The following NREP variants were observed in gnomAD, a reference collection of about 807,000 sequenced individuals.
The protein encoded by NREP is neuronal regeneration-related protein.
A neutral mutation model predicts 8.6 loss-of-function variants in NREP; 5 were observed. The ratio of observed to expected loss-of-function variants is 0.58; its 90% CI spans 0.30 to 1.22. NREP has a LOEUF of 1.22. Ranked by LOEUF, NREP falls within the 50% of genes most tolerant of loss-of-function variation. NREP has a pLI of 0.07. For missense variants in NREP, 86 were observed against 82.5 expected (o/e 1.04, Z -0.17); for synonymous variants, 27 against 28.0 (o/e 0.96, Z 0.11).
At chr5:111,872,098 GATTT>G (rs1209488516) in intron 2 of NREP, among the ~76,000 whole-genome samples, 1 of 151,634 alleles carries the variant, frequency 6.6e-6, no homozygotes, top group Non-Finnish European at 1.5e-5. Context: ...GACAGAGAGA[GATTT>G]ATTATAAATT....
chr5:111,817,671 G>T (rs890365129), intron 2 of NREP, among the ~76,000 whole-genome samples: 1 of 151,308 alleles, frequency 6.6e-6, no homozygotes, highest in Non-Finnish European at 1.5e-5. Context: ...CGGGCGTAGT[G>T]GCGGGCGCCT....
intron 2 of NREP, among the ~76,000 whole-genome samples, chr5:111,944,614 C>T (rs1305811416): frequency 6.6e-6 from 1 of 152,098 alleles, no homozygotes; most frequent in Non-Finnish European, 1.5e-5. Context: ...GCCTTCTTCT[C>T]TTTCCAATTT....
chr5:111,731,000 T>C lies in NREP; in HGVS notation c.128A>G (p.Glu43Gly), dbSNP rs11559. ...PKEVNRKKND[E>G]TNAASLTPLG... ...TGGAGTCAGGGAGGCAGCGTTTGTC[T>C]CATCGTTCTTCTTGCGGTTCACTTC... The change falls in exon 4 of 4, where the codon GAG becomes GGG. Residue 43 changes from glutamate to glycine, a missense_variant. Physicochemically the swap from Glu to Gly is moderately conservative, Grantham distance 98 (BLOSUM62 -2). Transcript: ENST00000257435. 89,423 of 1,613,774 alleles carry C rather than the reference T, an allele frequency of 0.055. 3,108 individuals are homozygous for C. Among genetic ancestry groups the C allele is most frequent in the East Asian group, 0.2 (9,159 of 44,866 alleles).
rs533558123 is a variant in NREP, at chr5:111,921,784, G to A, written c.135+53490C>T. Reference sequence around the variant, plus strand: ...CCCAGAATTCCCACATCTTGTGGGAGGGACCCGGAGGGAGGTAGGTAATTG... The same window carrying A: ...CCCAGAATTCCCACATCTTGTGGGAAGGACCCGGAGGGAGGTAGGTAATTG... On this transcript the variant is annotated intron_variant, in intron 2 of 3. Coordinates refer to the NREP transcript ENST00000395634. 1.5e-3 allele frequency among the ~76,000 whole-genome samples: 229 copies of A among 152,260 alleles called. 1 individual carries two copies. Among genetic ancestry groups the A allele is most frequent in the African/African-American group, 5.4e-3 (223 of 41,560 alleles).
At chr5:111,899,238 A>G (rs1376576725) in intron 2 of NREP, among the ~76,000 whole-genome samples, 3 of 152,208 alleles carry the variant, frequency 2.0e-5, no homozygotes, top group Admixed American at 1.3e-4. Flanking sequence ...TCATACAAGC[A>G]AACAATAAAA....
chr5:111,877,441 C>T (rs936704956), intron 2 of NREP, among the ~76,000 whole-genome samples: 4 of 152,330 alleles, frequency 2.6e-5, no homozygotes, highest in African/African-American at 9.6e-5. Context: ...ATCAGAATCA[C>T]TCTAAGGATC....
intron 2 of NREP, among the ~76,000 whole-genome samples, chr5:111,844,066 A>T (rs1753097742): frequency 6.6e-6 from 1 of 152,196 alleles, no homozygotes; most frequent in Non-Finnish European, 1.5e-5. Context: ...ATATCAGGCA[A>T]ATATGAAAAT....
At chr5:111,939,137 C>T (rs1031841570) in intron 2 of NREP, among the ~76,000 whole-genome samples, 5 of 151,990 alleles carry the variant, frequency 3.3e-5, no homozygotes, top group South Asian at 2.1e-4. Flanking sequence ...CCTCTCCCTA[C>T]GACTACTTTT....
rs1204906064 is a variant in NREP, at chr5:111,963,121, A to C, written c.135+12153T>G. ...GGATAACACATGGCTGTCCACAGAC[A>C]GCAGAGCTAAGAGAGAAAAACCCTC... On this transcript the variant is annotated intron_variant, in intron 2 of 3. Coordinates refer to the NREP transcript ENST00000395634. 2.6e-5 allele frequency among the ~76,000 whole-genome samples: 4 copies of C among 152,274 alleles called. No individual in the cohort carries two copies. In the East Asian group the frequency reaches 7.7e-4, roughly 29 times the overall value.
upstream of NREP, among the ~76,000 whole-genome samples, chr5:111,761,205 T>C (rs571722438): frequency 6.6e-6 from 1 of 152,338 alleles, no homozygotes; most frequent in African/African-American, 2.4e-5. Context: ...ACAGTAGCAA[T>C]AGGTATTATA....
intron 2 of NREP, among the ~76,000 whole-genome samples, chr5:111,738,131 A>G (rs1749315705): frequency 6.6e-6 from 1 of 152,204 alleles, no homozygotes; most frequent in African/African-American, 2.4e-5. Flanking sequence ...TCATTTTTTT[A>G]AGCACAGCTA....
At chr5:111,878,525 T>C (rs1027617813) in intron 2 of NREP, among the ~76,000 whole-genome samples, 1 of 152,036 alleles carries the variant, frequency 6.6e-6, no homozygotes, top group Non-Finnish European at 1.5e-5. Flanking sequence ...CCTTGACACG[T>C]GGGGATTATG....
intron 2 of NREP, among the ~76,000 whole-genome samples, chr5:111,753,787 G>A (rs1750529577): frequency 6.6e-6 from 1 of 151,808 alleles, no homozygotes; most frequent in African/African-American, 2.4e-5. Context: ...CAGTTACAGA[G>A]GTCCACAAAG....
intron 2 of NREP, among the ~76,000 whole-genome samples, chr5:111,839,326 CAG>C (rs1293335063): frequency 6.6e-6 from 1 of 152,074 alleles, no homozygotes; most frequent in African/African-American, 2.4e-5. Flanking sequence ...GGGCAATGAC[CAG>C]AGTCATAGGT....
chr5:111,743,897 C>T (rs1011802459), intron 2 of NREP, among the ~76,000 whole-genome samples: 1 of 152,098 alleles, frequency 6.6e-6, no homozygotes, highest in Non-Finnish European at 1.5e-5. Context: ...GTGCTATCCA[C>T]TAAAATCTTA....
At chr5:111,891,744 AG>A (rs1421987980) in intron 2 of NREP, among the ~76,000 whole-genome samples, 2 of 152,170 alleles carry the variant, frequency 1.3e-5, no homozygotes, top group African/African-American at 4.8e-5. Context: ...CAGGAGCAAG[AG>A]GGGAGAGGTG....
At chr5:111,791,800 T>C (rs1751753573) in intron 2 of NREP, among the ~76,000 whole-genome samples, 1 of 152,234 alleles carries the variant, frequency 6.6e-6, no homozygotes, top group African/African-American at 2.4e-5. Flanking sequence ...TGTTTATTCA[T>C]TCTTTTAGAT....
At chr5:111,885,104 G>C (rs1221446736) in intron 2 of NREP, among the ~76,000 whole-genome samples, 16 of 152,052 alleles carry the variant, frequency 1.1e-4, no homozygotes, top group African/African-American at 3.1e-4. Flanking sequence ...ATCTCCTTAA[G>C]CTGATAAGCA....
chr5:111,926,858 C>T (rs1223308798), intron 2 of NREP, among the ~76,000 whole-genome samples: 2 of 151,482 alleles, frequency 1.3e-5, no homozygotes, highest in African/African-American at 4.8e-5. Context: ...CTCCTGGGTG[C>T]AAGTGTGACT....
Sources: gnomAD v4.1 joint callset for allele counts (sites outside exome capture counted in the v4.1 genomes callset) on GRCh38, gnomAD v4.1.1 for gene constraint, MANE v1.5 for transcripts, NCBI Gene and HGNC (gene_info 2026-07-23, HGNC 2026-07-21) for gene names.